Variants in SRGAP3 observed in about 807,000 individuals in gnomAD.
The protein encoded by SRGAP3 is SLIT-ROBO Rho GTPase activating protein 3.
SRGAP3 carries 39 observed loss-of-function variants against 121.1 expected under a neutral mutation model. That is an observed-to-expected ratio of 0.32 (90% CI 0.25 to 0.42). SRGAP3 has a LOEUF of 0.42. Among genes scored for constraint, SRGAP3 ranks in the 10% least tolerant of loss-of-function variants. SRGAP3 has a pLI of 1.00. For synonymous variants in SRGAP3, 601 were observed against 570.0 expected (o/e 1.05, Z -0.77); for missense variants, 1,213 against 1,470.6 (o/e 0.82, Z 2.86).
intron 1 of SRGAP3, among the ~76,000 whole-genome samples, chr3:9,158,580 T>C (rs993236471): frequency 5.3e-5 from 8 of 152,142 alleles, no homozygotes; most frequent in Non-Finnish European, 1.0e-4. Flanking sequence ...AATTATCCCA[T>C]ATCACCTGCA....
At chr3:9,324,722 C>T (rs1955488993) in intron 3 of SRGAP3, among the ~76,000 whole-genome samples, 1 of 151,710 alleles carries the variant, frequency 6.6e-6, no homozygotes, top group Admixed American at 6.5e-5. Context: ...CTTTGAGAGG[C>T]CAAGGTGGGC....
intron 3 of SRGAP3, among the ~76,000 whole-genome samples, chr3:9,080,862 G>T (rs891669213): frequency 6.6e-6 from 1 of 152,152 alleles, no homozygotes; most frequent in African/African-American, 2.4e-5. Context: ...AGGAAAACAA[G>T]CTCAGGGCTC....
intron 1 of SRGAP3, among the ~76,000 whole-genome samples, chr3:9,225,003 G>A (rs915650198): frequency 2.0e-5 from 3 of 152,164 alleles, no homozygotes; most frequent in African/African-American, 4.8e-5. Context: ...TCAACTCGTA[G>A]CAGCCAACAG....
chr3:9,039,506 A>G (rs558425823), intron 10 of SRGAP3, among the ~76,000 whole-genome samples: 52 of 152,356 alleles, frequency 3.4e-4, no homozygotes, highest in African/African-American at 1.3e-3. Context: ...TATATATCAT[A>G]AAATTTACCC....
At chr3:9,165,158 AG>A (rs1420319914) in intron 1 of SRGAP3, among the ~76,000 whole-genome samples, 1 of 152,236 alleles carries the variant, frequency 6.6e-6, no homozygotes, top group Non-Finnish European at 1.5e-5. Context: ...AGAGGAAAAA[AG>A]GGGGCCCCCC....
chr3:9,114,220 G>A (rs575616254), intron 2 of SRGAP3, among the ~76,000 whole-genome samples: 8 of 152,268 alleles, frequency 5.3e-5, no homozygotes, highest in Middle Eastern at 3.4e-3. Context: ...TCTGTGAAAC[G>A]AAGTGACGAC....
chr3:9,121,301 T>C (rs1948995793), intron 2 of SRGAP3, among the ~76,000 whole-genome samples: 2 of 152,206 alleles, frequency 1.3e-5, no homozygotes, highest in African/African-American at 2.4e-5. Flanking sequence ...GGCAGGTAGA[T>C]GGACATTATT....
intron 1 of SRGAP3, among the ~76,000 whole-genome samples, chr3:9,357,503 A>G (rs572222906): frequency 1.3e-5 from 2 of 152,020 alleles, no homozygotes; most frequent in East Asian, 1.9e-4. Context: ...CTGCCTCCCA[A>G]TTAGCTGAGA....
intron 1 of SRGAP3, among the ~76,000 whole-genome samples, chr3:9,210,844 A>G (rs958693520): frequency 5.9e-5 from 9 of 152,196 alleles, no homozygotes; most frequent in Non-Finnish European, 1.2e-4. Flanking sequence ...AAATAATAAT[A>G]AATAAATTCT....
intron 14 of SRGAP3, among the ~76,000 whole-genome samples, chr3:9,022,645 G>A (rs950889103): frequency 6.6e-6 from 1 of 152,128 alleles, no homozygotes; most frequent in Non-Finnish European, 1.5e-5. Flanking sequence ...GAGTAAGTGA[G>A]AAATCTGGCA....
At position 9,046,120 on chromosome 3, in the gene SRGAP3, C is replaced by T. The variant is rs528902875; in HGVS notation, c.1408+1271G>A. Among the ~76,000 whole-genome samples, 13 of 150,684 alleles carry T rather than the reference C, an allele frequency of 8.6e-5. No individual in the cohort carries two copies. The South Asian group carries it at 2.8e-3, about 32-fold the overall frequency. On this transcript the variant is annotated intron_variant, in intron 10 of 21. Coordinates refer to ENST00000383836, the MANE Select transcript of SRGAP3 (RefSeq NM_014850.4). ...GCAACTGAGTCTTCCCCCCTCCTACCCCCTAGTCAATGAGTTTTAACAAAT... is the reference window on the plus strand; with the variant it reads ...GCAACTGAGTCTTCCCCCCTCCTACTCCCTAGTCAATGAGTTTTAACAAAT...
intron 18 of SRGAP3, among the ~76,000 whole-genome samples, chr3:8,998,008 AG>A (rs995338587): frequency 5.9e-5 from 9 of 152,196 alleles, no homozygotes; most frequent in Non-Finnish European, 1.2e-4. Flanking sequence ...CAGCCTCCTG[AG>A]TAGCTGGGAC....
intron 3 of SRGAP3, among the ~76,000 whole-genome samples, chr3:9,261,178 A>C (rs1261525991): frequency 6.6e-6 from 1 of 152,188 alleles, no homozygotes; most frequent in Non-Finnish European, 1.5e-5. Flanking sequence ...CGTCCACGCA[A>C]AAGCTCCATC....
intron 1 of SRGAP3, chr3:9,193,155 A>G (rs1453883744): frequency 6.6e-6 from 1 of 152,158 alleles, no homozygotes; most frequent in Admixed American, 6.5e-5. Flanking sequence ...GGGCAATTGG[A>G]GGGATGATGA....
chr3:9,074,586 T>C (rs1464606498), intron 4 of SRGAP3, among the ~76,000 whole-genome samples: 4 of 152,234 alleles, frequency 2.6e-5, no homozygotes, highest in African/African-American at 9.6e-5. Context: ...TGTGGGGCTG[T>C]ACCTGAATGT....
At chr3:9,089,307 G>A (rs967801749) in intron 3 of SRGAP3, among the ~76,000 whole-genome samples, 4 of 85,222 alleles carry the variant, frequency 4.7e-5, no homozygotes, top group African/African-American at 1.2e-4. Flanking sequence ...GGGGGGGGGG[G>A]GCTGGAGGCT....
chr3:9,120,686 C>G (rs1485700514), intron 2 of SRGAP3, among the ~76,000 whole-genome samples: 1 of 152,182 alleles, frequency 6.6e-6, no homozygotes, highest in Non-Finnish European at 1.5e-5. Context: ...CTCTCCACTT[C>G]CCTGGGTTGT....
At chr3:9,142,852 T>TTTTTTTG (rs1949904727) in intron 1 of SRGAP3, among the ~76,000 whole-genome samples, 1 of 145,966 alleles carries the variant, frequency 6.9e-6, no homozygotes, top group Non-Finnish European at 1.5e-5. Flanking sequence ...TTTTTTTTTT[T>TTTTTTTG]GATAAGACAG....
In SRGAP3 at chr3:9,190,025, A is replaced by G. The variant is rs564442039; in HGVS notation, c.67+58860T>C. Among the ~76,000 whole-genome samples, 139 of 152,302 alleles carry G rather than the reference A, an allele frequency of 9.1e-4. 1 individual carries two copies. Among genetic ancestry groups the G allele is most frequent in the African/African-American group, 3.2e-3 (133 of 41,532 alleles). ...CCTGCCAGAACACTGAGAAATAATC[A>G]TCCCCGCTTAACGGGTGAAATTGAC... On this transcript the variant is annotated intron_variant, in intron 1 of 21. Transcript: ENST00000383836.
Sources: gnomAD v4.1 joint callset for allele counts (sites outside exome capture counted in the v4.1 genomes callset) on GRCh38, gnomAD v4.1.1 for gene constraint, MANE v1.5 for transcripts, NCBI Gene and HGNC (gene_info 2026-07-23, HGNC 2026-07-21) for gene names.